ATP7A: variants seen among roughly 807,000 people sequenced by gnomAD.
ATP7A encodes copper-transporting ATPase 1.
ATP7A carries 7 observed loss-of-function variants against 83.5 expected under a neutral mutation model. The observed-to-expected ratio is 0.08, with a 90% CI of 0.05 to 0.16. The LOEUF is 0.16. Among genes scored for constraint, ATP7A ranks in the 10% least tolerant of loss-of-function variants. The pLI, the probability that ATP7A is intolerant of heterozygous loss-of-function variation, is 1.00. For missense variants in ATP7A, 940 were observed against 1,120.8 expected (o/e 0.84, Z 2.30); for synonymous variants, 354 against 395.2 (o/e 0.90, Z 1.24).
rs782565972 is a variant in ATP7A, at chrX:77,927,405, A to G, written c.-22+16570A>G. Reference sequence around the variant, plus strand: ...TCAATTGTTTGTAGCCTCTTTTTTCACTTAACTCATCACAGACATGATGTC... The same window carrying G: ...TCAATTGTTTGTAGCCTCTTTTTTCGCTTAACTCATCACAGACATGATGTC... On this transcript the variant is annotated intron_variant, in intron 1 of 22. Coordinates refer to ENST00000341514, the MANE Select transcript of ATP7A (RefSeq NM_000052.7). Among the ~76,000 whole-genome samples, 4 of 111,679 alleles carry G rather than the reference A, an allele frequency of 3.6e-5. No individual in the cohort carries two copies. The East Asian group carries it at 1.1e-3, about 31-fold the overall frequency.
At chrX:78,010,312 A>C (rs1226515035) in intron 7 of ATP7A, among the ~76,000 whole-genome samples, 1 of 111,802 alleles carries the variant, frequency 8.9e-6, no homozygotes, top group Non-Finnish European at 1.9e-5. Flanking sequence ...GAGCCTAATT[A>C]CTCTGACTCC....
Position 78,009,085 on chromosome X carries a change from T to C in ATP7A, c.1708-17T>C. On this transcript the variant is annotated splice_polypyrimidine_tract_variant and intron_variant, in intron 6 of 22. Transcript: ENST00000341514. ...AAAAAGTATATTCCTGAAGAACAAA[T>C]GCTTTGTCTTTAACAGGTGAGGGGA... 1.7e-6 allele frequency: 2 copies of C among 1,202,437 alleles called. No individual in the cohort carries two copies. The highest frequency in any genetic ancestry group is 2.2e-6 in the Non-Finnish European group (2 of 889,496).
At chrX:78,011,322 G>T in intron 8 of ATP7A, 70 bp downstream of exon 8, 1 of 1,095,548 alleles carries the variant, frequency 9.1e-7, no homozygotes, top group Non-Finnish European at 1.3e-6. Context: ...TTGCATGTCA[G>T]TTTTTATAAT....
At chrX:77,934,226 C>A (rs2077306879) in intron 1 of ATP7A, among the ~76,000 whole-genome samples, 2 of 110,340 alleles carry the variant, frequency 1.8e-5, no homozygotes, top group Middle Eastern at 4.6e-3. Context: ...CCAGCCTGGG[C>A]AACATAGCAA....
At chrX:78,030,903 C>T (rs1357679340) in intron 15 of ATP7A, among the ~76,000 whole-genome samples, 3 of 109,888 alleles carry the variant, frequency 2.7e-5, no homozygotes, top group African/African-American at 1.0e-4. Flanking sequence ...GTTGGCCAGG[C>T]TGGTCTCGAT....
At chrX:77,916,902 A>C (rs2077188537) in intron 1 of ATP7A, among the ~76,000 whole-genome samples, 1 of 111,341 alleles carries the variant, frequency 9.0e-6, no homozygotes, top group African/African-American at 3.3e-5. Context: ...TAAACTATGA[A>C]ACTGATTCCA....
intron 1 of ATP7A, among the ~76,000 whole-genome samples, chrX:77,936,714 A>G: frequency 1.8e-5 from 2 of 112,961 alleles, no homozygotes; most frequent in Middle Eastern, 9.1e-3. Flanking sequence ...ATAAATGAAA[A>G]AATGGATATA....
rs782421584 is a variant in ATP7A, at chrX:77,998,491, G to A, written c.1350G>A (p.Pro450=). 5 of 1,209,589 alleles carry A rather than the reference G, an allele frequency of 4.1e-6. No homozygotes were observed. Among genetic ancestry groups the A allele is most frequent in the African/African-American group, 3.5e-5 (2 of 57,216 alleles). The change falls in exon 5 of 23, where the codon CCG becomes CCA. Residue 450 remains proline (P), a synonymous_variant. Coordinates refer to ENST00000341514, the MANE Select transcript of ATP7A (RefSeq NM_000052.7). The part of the protein sequence containing the change: ...FDATLSDTNE[P]LVVIAQPSSE... ...CCTTTCTACCAGACACGAATGAGCC[G>A]TTGGTAGTAATAGCTCAGCCTTCAT...
At chrX:77,939,068 A>G (rs1384428579) in intron 1 of ATP7A, among the ~76,000 whole-genome samples, 1 of 111,344 alleles carries the variant, frequency 9.0e-6, no homozygotes, top group Admixed American at 9.6e-5. Flanking sequence ...GGCCGAGGCA[A>G]GTGGACAACT....
intron 15 of ATP7A, among the ~76,000 whole-genome samples, chrX:78,030,136 G>T (rs1311331908): frequency 1.7e-4 from 19 of 112,265 alleles, no homozygotes; most frequent in African/African-American, 6.1e-4. Flanking sequence ...CTTAAAAGTC[G>T]CAAGACTAGC....
At chrX:77,957,137 T>C (rs1320982707) in intron 1 of ATP7A, among the ~76,000 whole-genome samples, 1 of 111,354 alleles carries the variant, frequency 9.0e-6, no homozygotes, top group East Asian at 2.8e-4. Flanking sequence ...CCTAACACAA[T>C]TAGTGATGTT....
At chrX:77,913,956 A>T in intron 1 of ATP7A, among the ~76,000 whole-genome samples, 1 of 112,786 alleles carries the variant, frequency 8.9e-6, no homozygotes, top group Non-Finnish European at 1.9e-5. Flanking sequence ...ACAATTTACC[A>T]GTTGAAATAA....
At chrX:78,042,550 T>G (rs782070515) in intron 19 of ATP7A, 35 bp from the exon 20 acceptor site, 1 of 1,182,937 alleles carries the variant, frequency 8.5e-7, no homozygotes, top group East Asian at 3.0e-5. Context: ...TACTCATTAT[T>G]TTTTAAATGA....
chrX:78,006,398 A>G (rs1185061675), intron 6 of ATP7A, among the ~76,000 whole-genome samples: 1 of 112,592 alleles, frequency 8.9e-6, no homozygotes, highest in Non-Finnish European at 1.9e-5. Flanking sequence ...TGATACAATC[A>G]TATCATGGGA....
intron 2 of ATP7A, among the ~76,000 whole-genome samples, chrX:77,981,065 C>T (rs782474447): frequency 9.0e-6 from 1 of 111,564 alleles, no homozygotes; most frequent in South Asian, 3.7e-4. Flanking sequence ...CTGCACCTTG[C>T]TTTTTTTTAA....
At position 77,940,971 on chromosome X, in the gene ATP7A, T is replaced by C. The variant is rs782785823; in HGVS notation, c.-22+30136T>C. Among the ~76,000 whole-genome samples the C allele has an allele frequency of 1.6e-4, 18 of 112,235 alleles. No individual in the cohort carries two copies. The East Asian group carries it at 3.9e-3, about 24-fold the overall frequency. On this transcript the variant is annotated intron_variant, in intron 1 of 22. Coordinates refer to ENST00000341514, the MANE Select transcript of ATP7A (RefSeq NM_000052.7). ...TCTTTCCAGAGGGTAATTTACAGTA[T>C]GTATCACAAGCCTTAAGAAGTACTA...
At chrX:77,983,843 C>A (rs1392453891) in intron 2 of ATP7A, among the ~76,000 whole-genome samples, 2 of 110,257 alleles carry the variant, frequency 1.8e-5, no homozygotes, top group Non-Finnish European at 3.8e-5. Context: ...CGCCACCATG[C>A]CCAGATAATT....
intron 1 of ATP7A, among the ~76,000 whole-genome samples, chrX:77,920,097 A>G (rs992044807): frequency 1.8e-5 from 2 of 111,294 alleles, no homozygotes; most frequent in Admixed American, 9.6e-5. Flanking sequence ...TTGGGGTACA[A>G]TTGATCCTGG....
intron 1 of ATP7A, among the ~76,000 whole-genome samples, chrX:77,911,559 ATT>A (rs76893610): frequency 9.6e-4 from 79 of 82,066 alleles, no homozygotes; most frequent in African/African-American, 1.8e-3. Context: ...GAGGTTATTA[ATT>A]TTTTTTTTTT....
Sources: allele counts gnomAD v4.1 joint callset (sites outside exome capture counted in the v4.1 genomes callset), GRCh38; gene constraint gnomAD v4.1.1; transcripts MANE v1.5; gene names NCBI Gene and HGNC (gene_info 2026-07-23, HGNC 2026-07-21).